TRHDE: variants seen among roughly 807,000 people sequenced by gnomAD.
The protein encoded by TRHDE is thyrotropin releasing hormone degrading enzyme.
Under a neutral mutation model 125.7 loss-of-function variants are expected in TRHDE, and 72 were observed. The observed-to-expected ratio is 0.57, with a 90% confidence interval of 0.47 to 0.70. The LOEUF (loss-of-function observed/expected upper bound fraction) is 0.70, where lower values mean the gene tolerates loss of function less well. TRHDE is among the 30% of genes least tolerant of loss of function. The pLI, the probability that TRHDE is intolerant of heterozygous loss-of-function variation, is 0.00. For synonymous variants in TRHDE, 509 were observed against 509.1 expected (o/e 1.00, Z 0.00); for missense variants, 1,110 against 1,327.1 (o/e 0.84, Z 2.54).
At chr12:72,279,967 T>C (rs2139418514) in intron 1 of TRHDE, among the ~76,000 whole-genome samples, 1 of 152,340 alleles carries the variant, frequency 6.6e-6, no homozygotes, top group South Asian at 2.1e-4. Flanking sequence ...AAACTGTGGT[T>C]GTTGGTTACT....
At chr12:72,124,857 A>G (rs1875676302) in intron 2 of TRHDE, among the ~76,000 whole-genome samples, 1 of 152,200 alleles carries the variant, frequency 6.6e-6, no homozygotes, top group Non-Finnish European at 1.5e-5. Context: ...GCAACATAAC[A>G]AGATGCTGTC....
At chr12:72,525,545 A>G (rs1039221412) in intron 6 of TRHDE, among the ~76,000 whole-genome samples, 3 of 151,954 alleles carry the variant, frequency 2.0e-5, no homozygotes, top group Admixed American at 6.6e-5. Context: ...TTTACCATAT[A>G]TAATCACAAG....
intron 2 of TRHDE, among the ~76,000 whole-genome samples, chr12:72,138,534 C>T (rs1190042412): frequency 1.3e-5 from 2 of 152,170 alleles, no homozygotes; most frequent in Admixed American, 1.3e-4. Flanking sequence ...ACAAGGTGTG[C>T]ACCTGAAGTA....
intron 15 of TRHDE, among the ~76,000 whole-genome samples, chr12:72,630,714 G>T: frequency 6.6e-6 from 1 of 151,304 alleles, no homozygotes; most frequent in East Asian, 1.9e-4. Flanking sequence ...ATTAAGAAAA[G>T]GAGGAATAAA....
At chr12:72,156,507 G>A (rs1469674958) in intron 2 of TRHDE, among the ~76,000 whole-genome samples, 1 of 152,122 alleles carries the variant, frequency 6.6e-6, no homozygotes, top group Non-Finnish European at 1.5e-5. Context: ...GCTGTAGACT[G>A]GATCTGTTCC....
chr12:72,248,979 T>C (rs967356012), intron 2 of TRHDE, among the ~76,000 whole-genome samples: 18 of 152,266 alleles, frequency 1.2e-4, no homozygotes, highest in Admixed American at 3.3e-4. Context: ...TTAAAATAAG[T>C]TTCATATTAA....
chr12:72,294,157 T>G (rs964927880), intron 2 of TRHDE, among the ~76,000 whole-genome samples: 2 of 152,184 alleles, frequency 1.3e-5, no homozygotes, highest in African/African-American at 4.8e-5. Context: ...AGCTCTTCTT[T>G]CCTTCTCTTT....
chr12:72,154,809 C>T (rs1207985073), intron 2 of TRHDE, among the ~76,000 whole-genome samples: 6 of 152,198 alleles, frequency 3.9e-5, no homozygotes, highest in Non-Finnish European at 8.8e-5. Context: ...CAGCCTTTCT[C>T]TCTGGCTGCC....
chr12:72,247,048 G>T (rs937750871), intron 2 of TRHDE, among the ~76,000 whole-genome samples: 4 of 152,142 alleles, frequency 2.6e-5, no homozygotes, highest in African/African-American at 9.7e-5. Context: ...ATCCATGGGG[G>T]ATTTATTCCA....
At chr12:72,359,326 C>A (rs1870963599) in intron 2 of TRHDE, among the ~76,000 whole-genome samples, 1 of 151,588 alleles carries the variant, frequency 6.6e-6, no homozygotes. Context: ...ACAGTAGAAG[C>A]ATTCCAAATA....
intron 3 of TRHDE, among the ~76,000 whole-genome samples, chr12:72,391,150 T>G (rs1397664528): frequency 6.6e-6 from 1 of 151,978 alleles, no homozygotes; most frequent in Admixed American, 6.6e-5. Flanking sequence ...ACTGGAGGGG[T>G]TTAGGATTTG....
intron 2 of TRHDE, among the ~76,000 whole-genome samples, chr12:72,250,177 G>A (rs942698347): frequency 1.3e-5 from 2 of 152,168 alleles, no homozygotes; most frequent in Middle Eastern, 3.2e-3. Context: ...ACTTTTTAGG[G>A]TGATGGAAAT....
chr12:72,223,140 T>C (rs191613268), intron 2 of TRHDE, among the ~76,000 whole-genome samples: 5 of 152,188 alleles, frequency 3.3e-5, no homozygotes, highest in Admixed American at 3.3e-4. Flanking sequence ...ATATCAAATT[T>C]AAATATTCTT....
intron 12 of TRHDE, among the ~76,000 whole-genome samples, chr12:72,609,407 A>C (rs902203191): frequency 6.6e-6 from 1 of 152,192 alleles, no homozygotes; most frequent in African/African-American, 2.4e-5. Flanking sequence ...AATAACATGC[A>C]AAAAATTTTT....
intron 7 of TRHDE, among the ~76,000 whole-genome samples, chr12:72,546,792 T>C (rs1483262597): frequency 6.6e-6 from 1 of 151,656 alleles, no homozygotes; most frequent in Non-Finnish European, 1.5e-5. Context: ...TTGGGTTTCA[T>C]AGGGAAGTAA....
At chr12:72,546,428 T>C (rs1415002053) in intron 7 of TRHDE, among the ~76,000 whole-genome samples, 1 of 151,644 alleles carries the variant, frequency 6.6e-6, no homozygotes, top group African/African-American at 2.4e-5. Context: ...TAATGTTCTA[T>C]TGAAACAGTC....
intron 3 of TRHDE, among the ~76,000 whole-genome samples, chr12:72,407,084 T>G (rs1278871230): frequency 6.6e-6 from 1 of 151,966 alleles, no homozygotes; most frequent in Non-Finnish European, 1.5e-5. Flanking sequence ...GTCACAAAGG[T>G]TTTTTTTCAG....
chr12:72,556,957 T>A (rs899282393), intron 7 of TRHDE, among the ~76,000 whole-genome samples: 17 of 152,166 alleles, frequency 1.1e-4, no homozygotes, highest in Non-Finnish European at 1.9e-4. Flanking sequence ...AAAGCACTAT[T>A]GGTGGTGGTC....
intron 2 of TRHDE, among the ~76,000 whole-genome samples, chr12:72,203,175 G>C (rs1444178623): frequency 6.6e-6 from 1 of 151,998 alleles, no homozygotes; most frequent in Non-Finnish European, 1.5e-5. Context: ...ACAGAGAATG[G>C]TCTAGGCCGG....
Sources: gnomAD v4.1 joint callset for allele counts (sites outside exome capture counted in the v4.1 genomes callset) on GRCh38, gnomAD v4.1.1 for gene constraint, MANE v1.5 for transcripts, NCBI Gene and HGNC (gene_info 2026-07-23, HGNC 2026-07-21) for gene names.